The following PRICKLE1 variants were observed in gnomAD, a reference collection of about 807,000 sequenced individuals.
PRICKLE1 encodes prickle-like protein 1.
PRICKLE1 carries 14 observed loss-of-function variants against 70.2 expected under a neutral mutation model. The observed-to-expected ratio is 0.20, with a 90% CI of 0.13 to 0.31. The LOEUF (loss-of-function observed/expected upper bound fraction) is 0.31. Ranked by LOEUF, PRICKLE1 falls within the 10% of genes least tolerant of loss-of-function variation. The pLI is 1.00. For synonymous variants in PRICKLE1, 357 were observed against 379.9 expected (o/e 0.94, Z 0.70); for missense variants, 821 against 1,026.2 (o/e 0.80, Z 2.73).
At chr12:42,575,597 G>A (rs1940791233) in intron 1 of PRICKLE1, among the ~76,000 whole-genome samples, 1 of 152,078 alleles carries the variant, frequency 6.6e-6, no homozygotes, top group Non-Finnish European at 1.5e-5. Flanking sequence ...AGGAGGCTGA[G>A]GCAGGAGAAT....
intron 1 of PRICKLE1, among the ~76,000 whole-genome samples, chr12:42,490,716 A>T (rs1405750827): frequency 6.6e-6 from 1 of 152,168 alleles, no homozygotes; most frequent in Admixed American, 6.5e-5. Context: ...GGACCCAGAC[A>T]TTCCTAAATG....
chr12:42,483,600 G>C (rs564720562), intron 1 of PRICKLE1: 58 of 152,010 alleles, frequency 3.8e-4, no homozygotes, highest in African/African-American at 1.3e-3. Context: ...AGCAAGCACC[G>C]GGTCCCCACT....
chr12:42,534,027 C>T (rs35681356), intron 1 of PRICKLE1, among the ~76,000 whole-genome samples: 7,323 of 152,146 alleles, frequency 0.048, 234 homozygotes, highest in South Asian at 0.086. Flanking sequence ...AAATATTTGA[C>T]CTAGATTTAT....
chr12:42,460,903 CAG>C (rs1285826857), intron 7 of PRICKLE1, among the ~76,000 whole-genome samples: 1 of 152,026 alleles, frequency 6.6e-6, no homozygotes, highest in Non-Finnish European at 1.5e-5. Flanking sequence ...TGTTTTGAGA[CAG>C]AGTTTTGCTC....
intron 1 of PRICKLE1, among the ~76,000 whole-genome samples, chr12:42,567,156 T>C (rs1187745517): frequency 6.6e-6 from 1 of 152,238 alleles, no homozygotes; most frequent in African/African-American, 2.4e-5. Flanking sequence ...GATGGTCTAT[T>C]GATGGATCAA....
intron 1 of PRICKLE1, among the ~76,000 whole-genome samples, chr12:42,509,218 T>C (rs1199571462): frequency 6.6e-6 from 1 of 152,196 alleles, no homozygotes; most frequent in Non-Finnish European, 1.5e-5. Flanking sequence ...TGCTAAGGCA[T>C]TTACCCTAAA....
chr12:42,461,156 C>T (rs1937817286), intron 7 of PRICKLE1, among the ~76,000 whole-genome samples: 1 of 152,228 alleles, frequency 6.6e-6, no homozygotes, highest in South Asian at 2.1e-4. Context: ...GCTGGGTTTA[C>T]AGGTATGAGC....
intron 1 of PRICKLE1, among the ~76,000 whole-genome samples, chr12:42,514,258 CTA>C (rs1939565857): frequency 6.6e-6 from 1 of 152,118 alleles, no homozygotes; most frequent in Non-Finnish European, 1.5e-5. Context: ...GCAACTGAAA[CTA>C]TGTCTTCTAT....
At chr12:42,476,127 C>A (rs992623896) in intron 1 of PRICKLE1, among the ~76,000 whole-genome samples, 1 of 150,416 alleles carries the variant, frequency 6.6e-6, no homozygotes, top group Non-Finnish European at 1.5e-5. Flanking sequence ...ATGGCATGGC[C>A]TCCACTGGGA....
At chr12:42,561,622 T>C (rs990412780) in intron 1 of PRICKLE1, among the ~76,000 whole-genome samples, 7 of 152,356 alleles carry the variant, frequency 4.6e-5, no homozygotes, top group Non-Finnish European at 1.0e-4. Context: ...TTAATATGTC[T>C]GTTACAAATC....
intron 1 of PRICKLE1, among the ~76,000 whole-genome samples, chr12:42,504,744 C>T (rs1026416909): frequency 2.6e-5 from 4 of 152,182 alleles, no homozygotes; most frequent in African/African-American, 9.6e-5. Context: ...ATTTAGACAG[C>T]ATTCTTTCTC....
chr12:42,474,489 T>C (rs1938449037), intron 1 of PRICKLE1, among the ~76,000 whole-genome samples: 1 of 152,210 alleles, frequency 6.6e-6, no homozygotes, highest in Admixed American at 6.5e-5. Context: ...GAAGATGACC[T>C]CATTTCCTAC....
intron 1 of PRICKLE1, among the ~76,000 whole-genome samples, chr12:42,479,284 C>T (rs1212767510): frequency 6.6e-6 from 1 of 152,206 alleles, no homozygotes; most frequent in Non-Finnish European, 1.5e-5. Flanking sequence ...GAGCTCTAGC[C>T]TTCTGAACGG....
At chr12:42,485,418 G>T (rs982969131) in intron 1 of PRICKLE1, 4 of 152,184 alleles carry the variant, frequency 2.6e-5, no homozygotes, top group South Asian at 2.1e-4. Flanking sequence ...TTCCCAAAAC[G>T]TTCTGATATA....
At chr12:42,474,750 G>GT (rs1239093020) in intron 1 of PRICKLE1, among the ~76,000 whole-genome samples, 1 of 152,204 alleles carries the variant, frequency 6.6e-6, no homozygotes, top group Non-Finnish European at 1.5e-5. Flanking sequence ...AGGAGAATGA[G>GT]TGCCTTCAAT....
Position 42,464,692 on chromosome 12 carries a change from T to C in PRICKLE1, c.1342A>G (p.Met448Val), listed in dbSNP as rs776727562. 1.9e-6 allele frequency: 3 copies of C among 1,614,110 alleles called. No homozygotes were observed. The highest frequency in any genetic ancestry group is 1.7e-5 in the Admixed American group (1 of 60,002). Reference sequence around the variant, plus strand: ...TTTAACTCGGTCTTACTTTTAACCATGTTATCAGATATCCAGTGCTCACTG... The same window carrying C: ...TTTAACTCGGTCTTACTTTTAACCACGTTATCAGATATCCAGTGCTCACTG... ...RASEHWISDN[M>V]VKSKTELKQN... Residue 448 changes from methionine (M) to valine (V), a missense_variant, in exon 7 of 8, where the codon ATG becomes GTG. Met to Val is a conservative substitution (Grantham distance 21). Transcript: ENST00000345127. The surrounding 1 kb of genome is among the most constrained non-coding windows in gnomAD (Gnocchi z 4.2).
At chr12:42,475,375 T>G (rs867777215) in intron 1 of PRICKLE1, among the ~76,000 whole-genome samples, 2 of 152,184 alleles carry the variant, frequency 1.3e-5, no homozygotes, top group African/African-American at 2.4e-5. Flanking sequence ...CCACGGTAAG[T>G]GGTGTCTCAT....
chr12:42,507,174 G>A (rs975953526), intron 1 of PRICKLE1, among the ~76,000 whole-genome samples: 1 of 152,166 alleles, frequency 6.6e-6, no homozygotes, highest in African/African-American at 2.4e-5. Context: ...GGGTAGGGCT[G>A]TTGAAACTTG....
chr12:42,481,534 G>A (rs1322963026), intron 1 of PRICKLE1, among the ~76,000 whole-genome samples: 2 of 152,204 alleles, frequency 1.3e-5, no homozygotes, highest in Non-Finnish European at 2.9e-5. Context: ...CTGCTGCTAA[G>A]TGCCATCCGT....
Sources: gnomAD v4.1 joint callset for allele counts (sites outside exome capture counted in the v4.1 genomes callset) on GRCh38, gnomAD v4.1.1 for gene constraint, Gnocchi (gnomAD v3.1) non-coding constraint, MANE v1.5 for transcripts, NCBI Gene and HGNC (gene_info 2026-07-23, HGNC 2026-07-21) for gene names.